AFG1L: variants seen among roughly 807,000 people sequenced by gnomAD.
The protein encoded by AFG1L is AFG1-like ATPase.
In AFG1L, 53 loss-of-function variants were observed where a neutral mutation model predicts 62.2. The observed-to-expected ratio is 0.85, with a 90% CI of 0.68 to 1.07. The LOEUF (loss-of-function observed/expected upper bound fraction) is 1.07. Ranked by LOEUF, AFG1L falls within the 50% of genes least tolerant of loss-of-function variation. The probability of loss-of-function intolerance (pLI) is 0.00; values close to 1 mark genes in which losing one functional copy is unlikely to be tolerated. For synonymous variants in AFG1L, 228 were observed against 210.3 expected (o/e 1.08, Z -0.73); for missense variants, 555 against 590.5 (o/e 0.94, Z 0.62).
rs1774586325 is a variant in AFG1L, at chr6:108,510,128, AAG to A, written c.1063-81_1063-80del. The A allele has an allele frequency of 3.6e-5, 36 of 986,988 alleles. No homozygotes were observed. The Admixed American group carries it at 8.7e-4, about 24-fold the overall frequency. The allele number at this position is 986,988 out of a possible 1,614,324, so 61.1% of individuals were successfully genotyped here. ...CCACCTAGATCACACCATGACAAGA[AAG>A]AGGTGTTTTTACACTAAACCACTCC... On this transcript the variant is annotated intron_variant, in intron 10 of 12. Transcript: ENST00000368977.
At chr6:108,295,904 C>T (rs894953866) in intron 1 of AFG1L, 2 of 152,126 alleles carry the variant, frequency 1.3e-5, no homozygotes, top group Non-Finnish European at 2.9e-5. Flanking sequence ...TCATTGTTTC[C>T]TAAGCACTTA....
chr6:108,429,924 AT>A (rs1384448967), intron 7 of AFG1L, among the ~76,000 whole-genome samples: 1 of 151,652 alleles, frequency 6.6e-6, no homozygotes, highest in Non-Finnish European at 1.5e-5. Context: ...AGGTAGTTTC[AT>A]TTGTTTGTGT....
chr6:108,379,239 G>A (rs1021437347), intron 6 of AFG1L, among the ~76,000 whole-genome samples: 2 of 151,830 alleles, frequency 1.3e-5, no homozygotes, highest in Non-Finnish European at 2.9e-5. Context: ...TTGATCTCCT[G>A]ACCCAAGTGA....
At chr6:108,344,652 A>T (rs1429761680) in intron 2 of AFG1L, 1 of 462,978 alleles carries the variant, frequency 2.2e-6, no homozygotes, top group Non-Finnish European at 4.4e-6. Flanking sequence ...AGGTTTTGAG[A>T]ATGTTCTCTG....
intron 11 of AFG1L, among the ~76,000 whole-genome samples, chr6:108,515,198 C>A (rs906573535): frequency 6.6e-6 from 1 of 152,146 alleles, no homozygotes; most frequent in African/African-American, 2.4e-5. Context: ...AATATACATT[C>A]TTTTCAGCAC....
At chr6:108,417,287 C>CAA (rs58714925) in intron 7 of AFG1L, among the ~76,000 whole-genome samples, 57 of 81,612 alleles carry the variant, frequency 7.0e-4, no homozygotes, top group South Asian at 1.5e-3. Context: ...CACACACACA[C>CAA]AAAAAAAAAA....
intron 1 of AFG1L, among the ~76,000 whole-genome samples, chr6:108,306,427 G>A (rs1033538501): frequency 6.6e-6 from 1 of 152,014 alleles, no homozygotes; most frequent in African/African-American, 2.4e-5. Context: ...CCTCAGGTGC[G>A]GTATAAAACA....
intron 11 of AFG1L, among the ~76,000 whole-genome samples, chr6:108,513,476 T>A (rs1774748576): frequency 6.6e-6 from 1 of 152,190 alleles, no homozygotes; most frequent in South Asian, 2.1e-4. Flanking sequence ...ATCCCGCGCA[T>A]GGCTTGGAGG....
At chr6:108,311,016 CCTT>C (rs1210314196) in intron 1 of AFG1L, among the ~76,000 whole-genome samples, 36 of 152,090 alleles carry the variant, frequency 2.4e-4, no homozygotes, top group Admixed American at 2.3e-3. Context: ...TTTCCAGTAT[CCTT>C]CTTTTTGGCT....
At chr6:108,504,251 T>A (rs1774311284) in intron 10 of AFG1L, among the ~76,000 whole-genome samples, 1 of 152,260 alleles carries the variant, frequency 6.6e-6, no homozygotes. Context: ...CCTTCCCCAC[T>A]AAGCATAATC....
intron 10 of AFG1L, among the ~76,000 whole-genome samples, chr6:108,502,503 C>T (rs368857388): frequency 6.6e-6 from 1 of 152,008 alleles, no homozygotes; most frequent in East Asian, 1.9e-4. Flanking sequence ...CCGTGCCTGG[C>T]CTGGTTTTGT....
intron 7 of AFG1L, among the ~76,000 whole-genome samples, chr6:108,445,482 T>A (rs528115415): frequency 3.9e-5 from 6 of 152,228 alleles, no homozygotes; most frequent in Admixed American, 1.3e-4. Flanking sequence ...TTGTCATACC[T>A]TCCTCACTAA....
In AFG1L at chr6:108,399,149, A is replaced by C. The variant is rs190319728; in HGVS notation, c.749-2847A>C. Among the ~76,000 whole-genome samples the C allele has an allele frequency of 1.4e-3, 122 of 85,356 alleles. 2 individuals are homozygous for C. In the East Asian group the frequency reaches 0.034, roughly 24 times the overall value. The allele number at this position is 85,356 out of a possible 152,430, so 56.0% of individuals were successfully genotyped here. On this transcript the variant is annotated intron_variant, in intron 6 of 12. Transcript: ENST00000368977. Reference sequence around the variant, plus strand: ...CTTTCATCAGTGTTTTATAGTTTCTATTGCAAAGATCTGTCACTTCTTTTG... The same window carrying C: ...CTTTCATCAGTGTTTTATAGTTTCTCTTGCAAAGATCTGTCACTTCTTTTG...
intron 2 of AFG1L, among the ~76,000 whole-genome samples, chr6:108,333,582 A>AAAT (rs959479981): frequency 2.4e-4 from 36 of 152,122 alleles, no homozygotes; most frequent in Admixed American, 1.2e-3. Flanking sequence ...TAATCTCTGC[A>AAAT]AATAATAATA....
intron 7 of AFG1L, among the ~76,000 whole-genome samples, chr6:108,424,213 T>C (rs1256201132): frequency 6.6e-6 from 1 of 152,104 alleles, no homozygotes; most frequent in Non-Finnish European, 1.5e-5. Context: ...TGTGAGCTCA[T>C]TTCCTCTGTA....
chr6:108,314,446 G>A (rs1777517988), intron 1 of AFG1L, among the ~76,000 whole-genome samples: 1 of 150,260 alleles, frequency 6.7e-6, no homozygotes, highest in Admixed American at 6.6e-5. Context: ...GCCCAGGCTG[G>A]AGTGCTGTGG....
In AFG1L at chr6:108,517,473, C is replaced by G. The variant is rs528357328; in HGVS notation, c.1204-2224C>G. Among the ~76,000 whole-genome samples, 4 of 152,202 alleles carry G rather than the reference C, an allele frequency of 2.6e-5. 1 individual carries two copies. The East Asian group carries it at 7.7e-4, about 29-fold the overall frequency. ...ATATGTAGAAAGCTGAAACTGTATC[C>G]TTTCCTTACACCTTATGCAAAAATT... is the stretch of plus-strand genomic sequence containing the variant. On this transcript the variant is annotated intron_variant, in intron 11 of 12. Transcript: ENST00000368977.
chr6:108,379,594 T>C (rs1780410318), intron 6 of AFG1L, among the ~76,000 whole-genome samples: 1 of 152,132 alleles, frequency 6.6e-6, no homozygotes, highest in African/African-American at 2.4e-5. Flanking sequence ...TGCCTGCAGG[T>C]CCCCTGATGG....
intron 7 of AFG1L, among the ~76,000 whole-genome samples, chr6:108,434,109 G>A (rs1355709059): frequency 6.6e-6 from 1 of 152,160 alleles, no homozygotes; most frequent in Non-Finnish European, 1.5e-5. Context: ...TATAGGAGGA[G>A]CTATGAATAT....
Sources: gnomAD v4.1 joint callset for allele counts (sites outside exome capture counted in the v4.1 genomes callset) on GRCh38, gnomAD v4.1.1 for gene constraint, MANE v1.5 for transcripts, NCBI Gene and HGNC (gene_info 2026-07-23, HGNC 2026-07-21) for gene names.